Variants in LRMDA observed in about 807,000 individuals in gnomAD.
LRMDA encodes leucine-rich melanocyte differentiation-associated protein.
Under a neutral mutation model 29.8 loss-of-function variants are expected in LRMDA, and 18 were observed. That is an observed-to-expected ratio of 0.60 (90% CI 0.42 to 0.90). The LOEUF is 0.90. LRMDA is among the 40% of genes least tolerant of loss of function. The pLI, the probability that LRMDA is intolerant of heterozygous loss-of-function variation, is 0.00. For synonymous variants in LRMDA, 125 were observed against 109.4 expected (o/e 1.14, Z -0.89); for missense variants, 273 against 273.9 (o/e 1.00, Z 0.02).
chr10:75,662,330 G>A lies in LRMDA; in HGVS notation c.131+223836G>A, dbSNP rs76357932. Among the ~76,000 whole-genome samples, 1,083 of 152,282 alleles carry A rather than the reference G, an allele frequency of 7.1e-3. 71 individuals are homozygous for A. In the East Asian group the frequency reaches 0.14, roughly 20 times the overall value. ...TTCTATCCCATCTAAGGGAAGCTGA[G>A]TAGATCATAGACGGATGCTACTACA... On this transcript the variant is annotated intron_variant, in intron 2 of 6. Transcript: ENST00000611255.
At chr10:76,111,719 T>C (rs1195149869) in intron 5 of LRMDA, among the ~76,000 whole-genome samples, 1 of 152,192 alleles carries the variant, frequency 6.6e-6, no homozygotes, top group Non-Finnish European at 1.5e-5. Context: ...TGTTATTTAC[T>C]TGCTCCACCC....
At chr10:76,077,605 G>C (rs960890633) in intron 5 of LRMDA, among the ~76,000 whole-genome samples, 1 of 152,164 alleles carries the variant, frequency 6.6e-6, no homozygotes, top group East Asian at 1.9e-4. Context: ...TGTTTTCTGG[G>C]AGGTCACCAT....
At chr10:76,399,858 A>G (rs931730706) in intron 6 of LRMDA, among the ~76,000 whole-genome samples, 1 of 151,448 alleles carries the variant, frequency 6.6e-6, no homozygotes, top group African/African-American at 2.4e-5. Flanking sequence ...GAGTCTAATC[A>G]TTTCCTTCAT....
At chr10:75,858,146 C>T (rs1460654465) in intron 2 of LRMDA, among the ~76,000 whole-genome samples, 1 of 151,968 alleles carries the variant, frequency 6.6e-6, no homozygotes, top group African/African-American at 2.4e-5. Context: ...GATTCTGAGG[C>T]CCCCCCGTAC....
intron 5 of LRMDA, among the ~76,000 whole-genome samples, chr10:76,191,124 A>G (rs1450727156): frequency 6.6e-6 from 1 of 152,156 alleles, no homozygotes; most frequent in Non-Finnish European, 1.5e-5. Flanking sequence ...TGTGGCTTAT[A>G]TGGTATGTTG....
chr10:76,072,344 C>T (rs1170531611), intron 5 of LRMDA, among the ~76,000 whole-genome samples: 1 of 152,166 alleles, frequency 6.6e-6, no homozygotes, highest in Non-Finnish European at 1.5e-5. Context: ...CCAACTTCTC[C>T]AATCTGTGTC....
At chr10:75,509,288 G>A (rs762782543) in intron 2 of LRMDA, among the ~76,000 whole-genome samples, 26 of 152,134 alleles carry the variant, frequency 1.7e-4, no homozygotes, top group Non-Finnish European at 5.9e-5. Context: ...ATATGTGTGT[G>A]TGTGTAACAC....
At chr10:75,920,720 C>A (rs1295887737) in intron 2 of LRMDA, among the ~76,000 whole-genome samples, 2 of 152,178 alleles carry the variant, frequency 1.3e-5, no homozygotes, top group Non-Finnish European at 2.9e-5. Context: ...ACAAAAACAA[C>A]CCCAAAGACT....
At chr10:75,940,120 A>C (rs1846363878) in intron 2 of LRMDA, among the ~76,000 whole-genome samples, 1 of 152,292 alleles carries the variant, frequency 6.6e-6, no homozygotes, top group South Asian at 2.1e-4. Context: ...ACCTAACTTA[A>C]TTCTGGATAC....
intron 2 of LRMDA, among the ~76,000 whole-genome samples, chr10:75,886,735 T>C (rs1426275179): frequency 6.6e-6 from 1 of 152,150 alleles, no homozygotes; most frequent in African/African-American, 2.4e-5. Context: ...CTGTTTCCTA[T>C]CCACTGATCA....
At chr10:76,464,657 G>A (rs1842546610) in intron 6 of LRMDA, among the ~76,000 whole-genome samples, 1 of 152,186 alleles carries the variant, frequency 6.6e-6, no homozygotes, top group African/African-American at 2.4e-5. Context: ...GAAGAATGGG[G>A]TAACCTCAAA....
At chr10:75,972,903 G>A (rs1847001864) in intron 2 of LRMDA, among the ~76,000 whole-genome samples, 1 of 152,192 alleles carries the variant, frequency 6.6e-6, no homozygotes, top group South Asian at 2.1e-4. Context: ...TTCCTGGAAT[G>A]TCACTTCTGC....
At chr10:75,659,820 C>CCTTT (rs769888383) in intron 2 of LRMDA, among the ~76,000 whole-genome samples, 1 of 152,108 alleles carries the variant, frequency 6.6e-6, no homozygotes, top group Admixed American at 6.5e-5. Context: ...TCTGTCACTT[C>CCTTT]CTTTCTTTCT....
chr10:76,009,832 A>AC (rs1204561073), intron 2 of LRMDA, among the ~76,000 whole-genome samples: 3 of 148,814 alleles, frequency 2.0e-5, no homozygotes, highest in Non-Finnish European at 4.5e-5. Context: ...TTGCCGAGCA[A>AC]CCCCCCTCAC....
intron 5 of LRMDA, among the ~76,000 whole-genome samples, chr10:76,192,670 T>C (rs189122140): frequency 2.9e-4 from 44 of 152,314 alleles, no homozygotes; most frequent in African/African-American, 1.0e-3. Flanking sequence ...TAAGATTCAT[T>C]TAAACTGTCA....
chr10:76,163,039 G>A (rs1850675576), intron 5 of LRMDA, among the ~76,000 whole-genome samples: 1 of 152,084 alleles, frequency 6.6e-6, no homozygotes, highest in African/African-American at 2.4e-5. Context: ...TTCCAAATAA[G>A]CACATGGGAA....
At chr10:75,777,614 C>T (rs1220349495) in intron 2 of LRMDA, among the ~76,000 whole-genome samples, 1 of 152,208 alleles carries the variant, frequency 6.6e-6, no homozygotes. Flanking sequence ...TTTTTCACTT[C>T]ACTCCCAGCT....
At chr10:75,714,431 A>G (rs1470681559) in intron 2 of LRMDA, among the ~76,000 whole-genome samples, 2 of 152,206 alleles carry the variant, frequency 1.3e-5, no homozygotes, top group South Asian at 2.1e-4. Flanking sequence ...TGGATATTAT[A>G]TTGTATATTA....
chr10:75,542,734 C>T (rs1241963782), intron 2 of LRMDA, among the ~76,000 whole-genome samples: 1 of 152,170 alleles, frequency 6.6e-6, no homozygotes, highest in Admixed American at 6.5e-5. Context: ...TCAAACATGT[C>T]GTCCTGTCAA....
Sources: allele counts gnomAD v4.1 joint callset (sites outside exome capture counted in the v4.1 genomes callset), GRCh38; gene constraint gnomAD v4.1.1; transcripts MANE v1.5; gene names NCBI Gene and HGNC (gene_info 2026-07-23, HGNC 2026-07-21).